CD47: variants seen among roughly 807,000 people sequenced by gnomAD.
The protein encoded by CD47 is leukocyte surface antigen CD47.
A neutral mutation model predicts 44.6 loss-of-function variants in CD47; 11 were observed. That is an observed-to-expected ratio of 0.25 (90% CI 0.16 to 0.41). The LOEUF is 0.41. Among genes scored for constraint, CD47 ranks in the 10% least tolerant of loss-of-function variants. The probability of loss-of-function intolerance (pLI) is 1.00; values close to 1 mark genes in which losing one functional copy is unlikely to be tolerated. For missense variants in CD47, 306 were observed against 386.7 expected, an observed-to-expected ratio of 0.79 and a Z score of 1.75; for synonymous variants, 140 against 136.3, an observed-to-expected ratio of 1.03 and a Z score of -0.19.
intron 1 of CD47, among the ~76,000 whole-genome samples, chr3:108,088,763 T>C (rs1470925581): frequency 6.6e-6 from 1 of 152,220 alleles, no homozygotes; most frequent in Non-Finnish European, 1.5e-5. Context: ...TTAAACAAAG[T>C]ATAATTGTAC....
rs2078735461 is a variant in CD47, at chr3:108,047,274, T to A, written c.*14A>T. 2 of 1,603,998 alleles carry A rather than the reference T, an allele frequency of 1.2e-6. No homozygotes were observed. The highest frequency in any genetic ancestry group is 8.5e-7 in the Non-Finnish European group (1 of 1,172,060). On this transcript the variant is annotated 3_prime_UTR_variant, in exon 11 of 11. Coordinates refer to ENST00000361309, the MANE Select transcript of CD47 (RefSeq NM_001777.4). Reference sequence around the variant, plus strand: ...TTACTACTCTCCAAATCGGAGTCCATCACTTCACTTCAGTTATTCTGGAAA... The same window carrying A: ...TTACTACTCTCCAAATCGGAGTCCAACACTTCACTTCAGTTATTCTGGAAA...
intron 3 of CD47, among the ~76,000 whole-genome samples, chr3:108,061,427 T>C (rs1055616747): frequency 6.6e-6 from 1 of 152,156 alleles, no homozygotes; most frequent in Admixed American, 6.5e-5. Flanking sequence ...TCTGGAAATC[T>C]AGTTATTTTG....
intron 1 of CD47, among the ~76,000 whole-genome samples, chr3:108,087,540 T>A (rs182825257): frequency 3.9e-5 from 6 of 152,320 alleles, no homozygotes; most frequent in Admixed American, 1.3e-4. Context: ...ACTGACATAC[T>A]GTCTGAAATT....
At chr3:108,079,228 C>A (rs1011553908) in intron 2 of CD47, among the ~76,000 whole-genome samples, 1 of 151,892 alleles carries the variant, frequency 6.6e-6, no homozygotes, top group Admixed American at 6.6e-5. Context: ...AGAACATACT[C>A]ATATGGGGTT....
At chr3:108,074,909 C>A (rs560591389) in intron 2 of CD47, among the ~76,000 whole-genome samples, 10 of 152,258 alleles carry the variant, frequency 6.6e-5, no homozygotes, top group East Asian at 1.9e-4. Flanking sequence ...GGGAAAAAAA[C>A]CAACATTTTA....
rs143649741 is a variant in CD47 at position 108,090,141 on chromosome 3, T to C, written c.46+722A>G. Among the ~76,000 whole-genome samples, 10 of 152,140 alleles carry C rather than the reference T, an allele frequency of 6.6e-5. No homozygotes were observed. In the East Asian group the frequency reaches 1.9e-3, roughly 29 times the overall value. On this transcript the variant is annotated intron_variant, in intron 1 of 10. Transcript: ENST00000361309. ...TTTAAAACGGTTCCCCCAAATAAAG[T>C]GGGAAAAACTTCAACGTACAATTTA...
intron 3 of CD47, among the ~76,000 whole-genome samples, chr3:108,061,855 G>C (rs2079020848): frequency 6.6e-6 from 1 of 152,086 alleles, no homozygotes; most frequent in Admixed American, 6.5e-5. Flanking sequence ...TCATGAAGGG[G>C]AAAATATTTT....
intron 1 of CD47, among the ~76,000 whole-genome samples, chr3:108,085,910 A>G (rs529400904): frequency 1.3e-5 from 2 of 152,290 alleles, no homozygotes; most frequent in South Asian, 2.1e-4. Flanking sequence ...ATGAAGCTGC[A>G]TATTTTCATG....
At chr3:108,079,567 T>TAAAAAAAAAAAAAAAAAAAAAA (rs71629342) in intron 2 of CD47, among the ~76,000 whole-genome samples, 1 of 53,120 alleles carries the variant, frequency 1.9e-5, no homozygotes. Context: ...AGTGTAAGGT[T>TAAAAAAAAAAAAAAAAAAAAAA]AAAAAAAAAA....
At chr3:108,065,762 A>G (rs1209059944) in intron 3 of CD47, among the ~76,000 whole-genome samples, 2 of 135,336 alleles carry the variant, frequency 1.5e-5, no homozygotes, top group Non-Finnish European at 3.1e-5. Flanking sequence ...CAGTGAGCCG[A>G]GATCACGCCA....
chr3:108,044,409 A>G lies in CD47; in HGVS notation c.*2879T>C, dbSNP rs2078679899. 1.1e-5 allele frequency: 1 copy of G among 88,558 alleles called. No homozygotes were observed. The highest frequency in any genetic ancestry group is 4.1e-4 in the South Asian group (1 of 2,448). The allele number at this position is 88,558 out of a possible 1,614,324, so 5.5% of individuals were successfully genotyped here. On this transcript the variant is annotated 3_prime_UTR_variant, in exon 11 of 11. Transcript: ENST00000361309. ...TTTGAAGGTTTTTAGAGCATGTGAA[A>G]TTAGTCAAAAAAAAAAAAAAAAAAA...
At chr3:108,087,842 G>A (rs577876098) in intron 1 of CD47, among the ~76,000 whole-genome samples, 3 of 152,214 alleles carry the variant, frequency 2.0e-5, no homozygotes, top group Admixed American at 6.5e-5. Context: ...CTGTATAATC[G>A]TAAAGAGGAA....
intron 1 of CD47, among the ~76,000 whole-genome samples, chr3:108,090,005 G>T (rs1381944155): frequency 6.6e-6 from 1 of 151,008 alleles, no homozygotes; most frequent in Non-Finnish European, 1.5e-5. Context: ...CTCGGGGTGG[G>T]GGTGGGGGGG....
At chr3:108,086,434 G>T (rs2079522350) in intron 1 of CD47, among the ~76,000 whole-genome samples, 1 of 152,066 alleles carries the variant, frequency 6.6e-6, no homozygotes, top group African/African-American at 2.4e-5. Flanking sequence ...ATAAAGAGGG[G>T]AAAATTAAAA....
chr3:108,056,660 G>A (rs531846903), intron 7 of CD47, among the ~76,000 whole-genome samples: 14 of 151,974 alleles, frequency 9.2e-5, no homozygotes, highest in South Asian at 2.1e-4. Flanking sequence ...TTTAAAAAAC[G>A]GAAACTAATA....
chr3:108,066,320 T>C (rs1168500758), intron 3 of CD47, among the ~76,000 whole-genome samples: 1 of 152,218 alleles, frequency 6.6e-6, no homozygotes, highest in Non-Finnish European at 1.5e-5. Context: ...GTCCTCACTT[T>C]GCACTATTCT....
intron 2 of CD47, among the ~76,000 whole-genome samples, chr3:108,074,593 C>T (rs904047437): frequency 1.3e-5 from 2 of 151,708 alleles, no homozygotes; most frequent in African/African-American, 2.4e-5. Flanking sequence ...GTATTACAGG[C>T]GTGGGCTGCC....
chr3:108,067,424 A>T (rs916912042), intron 3 of CD47, among the ~76,000 whole-genome samples: 4 of 152,230 alleles, frequency 2.6e-5, no homozygotes, highest in Non-Finnish European at 5.9e-5. Context: ...AAGAATTTCA[A>T]AATGTTAGCC....
intron 2 of CD47, among the ~76,000 whole-genome samples, chr3:108,078,416 A>G (rs904970505): frequency 4.0e-5 from 6 of 151,798 alleles, no homozygotes; most frequent in Admixed American, 1.3e-4. Context: ...TTCAAATCTC[A>G]TATTTTGAGT....
Sources: allele counts gnomAD v4.1 joint callset (sites outside exome capture counted in the v4.1 genomes callset), GRCh38; gene constraint gnomAD v4.1.1; transcripts MANE v1.5; gene names NCBI Gene and HGNC (gene_info 2026-07-23, HGNC 2026-07-21).